The following RUFY1 variants were observed in gnomAD, a reference collection of about 807,000 sequenced individuals.
The protein encoded by RUFY1 is RUN and FYVE domain-containing protein 1.
RUFY1 carries 54 observed loss-of-function variants against 94.6 expected under a neutral mutation model. The observed-to-expected ratio is 0.57, with a 90% confidence interval of 0.46 to 0.72. The LOEUF (loss-of-function observed/expected upper bound fraction) is 0.72, where lower values mean the gene tolerates loss of function less well. Among genes scored for constraint, RUFY1 ranks in the 30% least tolerant of loss-of-function variants. The pLI, the probability that RUFY1 is intolerant of heterozygous loss-of-function variation, is 0.00. For synonymous variants in RUFY1, 396 were observed against 347.3 expected, an observed-to-expected ratio of 1.14 and a Z score of -1.56; for missense variants, 883 against 883.9, an observed-to-expected ratio of 1.00 and a Z score of 0.01.
rs376677199 is a variant in RUFY1, at chr5:179,577,147, C to T, written c.890+11C>T. 5.7e-4 allele frequency: 324 copies of T among 570,242 alleles called. No homozygotes were observed. The highest frequency in any genetic ancestry group is 8.3e-4 in the Non-Finnish European group (273 of 327,892). The allele number at this position is 570,242 out of a possible 1,614,324, so 35.3% of individuals were successfully genotyped here. The stretch of plus-strand genomic sequence containing the variant: ...TGATGGTGGCAAGGAGTAAGTACTG[C>T]GTTGTATGTCACTTTTTTTTTTTTT... On this transcript the variant is annotated intron_variant, in intron 6 of 17. Coordinates refer to ENST00000319449, the MANE Select transcript of RUFY1 (RefSeq NM_025158.5).
At chr5:179,596,821 C>T in intron 13 of RUFY1, 140 bp downstream of exon 13, 1 of 1,121,490 alleles carries the variant, frequency 8.9e-7, no homozygotes, top group Non-Finnish European at 1.2e-6. Context: ...TCACCACTCA[C>T]CCCTGCAGGG....
At chr5:179,574,881 ATTCT>A (rs754362974) in intron 5 of RUFY1, among the ~76,000 whole-genome samples, 32 of 151,686 alleles carry the variant, frequency 2.1e-4, no homozygotes, top group Non-Finnish European at 3.5e-4. Context: ...TTGGGTATTA[ATTCT>A]TTCTCATCTT....
At chr5:179,593,796 T>G (rs1765303381) in intron 11 of RUFY1, 151 bp downstream of exon 11, 2 of 1,266,042 alleles carry the variant, frequency 1.6e-6, no homozygotes, top group East Asian at 5.2e-5. Context: ...TTGATCCTCA[T>G]GGCAGTCCCT....
At chr5:179,604,005 C>T (rs1323128166) in intron 15 of RUFY1, among the ~76,000 whole-genome samples, 4 of 152,174 alleles carry the variant, frequency 2.6e-5, no homozygotes, top group Non-Finnish European at 4.4e-5. Context: ...TGCGGTGAGC[C>T]GAGATCGCGC....
intron 1 of RUFY1, chr5:179,555,698 G>A (rs1164412063): frequency 2.5e-6 from 1 of 398,828 alleles, no homozygotes; most frequent in Admixed American, 2.9e-5. Context: ...CGTGATCTCG[G>A]GTCACGGCAA....
At chr5:179,551,156 G>C (rs73330331) in intron 1 of RUFY1, among the ~76,000 whole-genome samples, 14,059 of 152,314 alleles carry the variant, frequency 0.092, 1,044 homozygotes, top group African/African-American at 0.2. Flanking sequence ...TCCGGGCTTC[G>C]GAACTCTGTA....
At chr5:179,560,549 C>G (rs963075334) in intron 2 of RUFY1, among the ~76,000 whole-genome samples, 2 of 139,228 alleles carry the variant, frequency 1.4e-5, no homozygotes, top group African/African-American at 5.0e-5. Flanking sequence ...GAAACCCGGT[C>G]TCTACTAAAA....
At position 179,591,620 on chromosome 5, in the gene RUFY1, T is replaced by C. The variant is rs1302405928; in HGVS notation, c.1129-5T>C. On this transcript the variant is annotated splice_polypyrimidine_tract_variant and splice_region_variant and intron_variant, in intron 9 of 17. Transcript: ENST00000319449. ...AATTCCTCTTGGTGTCCTTGTTTGA[T>C]ACAGATAACAAAACAGGATACCAAA... 4 of 1,586,388 alleles carry C rather than the reference T, an allele frequency of 2.5e-6. No individual in the cohort carries two copies. Among genetic ancestry groups the C allele is most frequent in the South Asian group, 1.1e-5 (1 of 89,316 alleles).
At chr5:179,587,272 TCAAACTC>T (rs1165432889) in intron 8 of RUFY1, among the ~76,000 whole-genome samples, 1 of 152,124 alleles carries the variant, frequency 6.6e-6, no homozygotes, top group Non-Finnish European at 1.5e-5. Context: ...CAGGCTGGTC[TCAAACTC>T]CTGGGCTAAA....
chr5:179,570,606 A>G (rs1241550721), intron 5 of RUFY1, among the ~76,000 whole-genome samples: 3 of 151,982 alleles, frequency 2.0e-5, no homozygotes, highest in Non-Finnish European at 4.4e-5. Context: ...CCTCACTTCC[A>G]CCCCCTCTTC....
At chr5:179,553,061 T>C (rs1362401039) in intron 1 of RUFY1, among the ~76,000 whole-genome samples, 1 of 152,238 alleles carries the variant, frequency 6.6e-6, no homozygotes, top group Non-Finnish European at 1.5e-5. Context: ...ATTCTTAATT[T>C]TATCTTTGAA....
intron 5 of RUFY1, chr5:179,572,225 G>C: frequency 3.4e-6 from 1 of 295,098 alleles, no homozygotes; most frequent in Non-Finnish European, 6.9e-6. Flanking sequence ...GGTGGATGGC[G>C]CCTTCCAGGA....
intron 15 of RUFY1, among the ~76,000 whole-genome samples, chr5:179,605,437 G>A (rs1766965104): frequency 6.6e-6 from 1 of 152,194 alleles, no homozygotes; most frequent in Admixed American, 6.5e-5. Flanking sequence ...AAGAACAAAT[G>A]GCTATGCCAT....
At chr5:179,567,417 G>A in intron 3 of RUFY1, 44 bp from the exon 4 acceptor site, 1 of 1,436,316 alleles carries the variant, frequency 7.0e-7, no homozygotes, top group Non-Finnish European at 9.8e-7. Context: ...TTCTGTGTTT[G>A]TTGTTGTTAT....
At chr5:179,559,951 TCTC>T in intron 1 of RUFY1, 71 bp from the exon 2 acceptor site, 1 of 1,535,028 alleles carries the variant, frequency 6.5e-7, no homozygotes, top group Non-Finnish European at 8.8e-7. Flanking sequence ...TGACCCGTCT[TCTC>T]ACCGTTGCCC....
chr5:179,600,683 A>ATT (rs1766266349), intron 14 of RUFY1, among the ~76,000 whole-genome samples: 2 of 108,834 alleles, frequency 1.8e-5, no homozygotes, highest in South Asian at 2.9e-4. Flanking sequence ...TATGATGGTA[A>ATT]CTTTTTTTTT....
chr5:179,562,480 G>T, intron 2 of RUFY1, 67 bp from the exon 3 acceptor site: 1 of 852,882 alleles, frequency 1.2e-6, no homozygotes, highest in Non-Finnish European at 2.0e-6. Flanking sequence ...TGTGGGGAGA[G>T]GCTGTGGGTC....
intron 6 of RUFY1, among the ~76,000 whole-genome samples, chr5:179,579,654 C>CTTATTTTT (rs1554118772): frequency 1.3e-4 from 5 of 38,668 alleles, no homozygotes; most frequent in East Asian, 2.8e-3. Context: ...CCCTTTTCTT[C>CTTATTTTT]TTCTTTTTTT....
In RUFY1 at chr5:179,609,575, A is replaced by G; in HGVS notation, c.*56A>G. The G allele has an allele frequency of 2.7e-6, 4 of 1,466,574 alleles. No individual in the cohort carries two copies. The highest frequency in any genetic ancestry group is 3.6e-6 in the Non-Finnish European group (4 of 1,099,140). 90.8% of individuals were successfully genotyped at this position (1,466,574 alleles called of 1,614,324 possible). A position where few individuals can be genotyped will look rare whatever the true frequency, so the allele number is the denominator to read the frequency against. On this transcript the variant is annotated 3_prime_UTR_variant, in exon 18 of 18. Coordinates refer to ENST00000319449, the MANE Select transcript of RUFY1 (RefSeq NM_025158.5). ...ACAGTGCCAAACCCTGTGGGTCTCCAGGGGCTTGGGAAATGTGTTCTTTCC... is the reference window on the plus strand; with the variant it reads ...ACAGTGCCAAACCCTGTGGGTCTCCGGGGGCTTGGGAAATGTGTTCTTTCC...
Sources: gnomAD v4.1 joint callset for allele counts (sites outside exome capture counted in the v4.1 genomes callset) on GRCh38, gnomAD v4.1.1 for gene constraint, MANE v1.5 for transcripts, NCBI Gene and HGNC (gene_info 2026-07-23, HGNC 2026-07-21) for gene names.